Variants in SYNPR observed in about 807,000 individuals in gnomAD.
SYNPR encodes the protein synaptoporin.
In SYNPR, 23 loss-of-function variants were observed where a neutral mutation model predicts 32.9. That is an observed-to-expected ratio of 0.70 (90% confidence interval 0.50 to 0.99). The LOEUF is 0.99. SYNPR is among the 50% of genes least tolerant of loss of function. SYNPR has a pLI of 0.00. For synonymous variants in SYNPR, 146 were observed against 135.9 expected (o/e 1.07, Z -0.52); for missense variants, 318 against 349.3 (o/e 0.91, Z 0.71).
At chr3:63,244,453 T>G (rs992895625) in intron 1 of SYNPR, among the ~76,000 whole-genome samples, 26 of 152,060 alleles carry the variant, frequency 1.7e-4, no homozygotes, top group Non-Finnish European at 2.5e-4. Context: ...ATCTGTGAAT[T>G]GAGTAGAGAT....
At chr3:63,533,141 G>C (rs1702139608) in intron 3 of SYNPR, among the ~76,000 whole-genome samples, 1 of 152,132 alleles carries the variant, frequency 6.6e-6, no homozygotes, top group Non-Finnish European at 1.5e-5. Flanking sequence ...ACAAGACTCT[G>C]TCCTAGTGGT....
chr3:63,463,897 T>C (rs1700633270), intron 2 of SYNPR, among the ~76,000 whole-genome samples: 1 of 152,288 alleles, frequency 6.6e-6, no homozygotes, highest in East Asian at 1.9e-4. Context: ...TATTTATCTA[T>C]TTTTTTGTAA....
chr3:63,403,105 A>G (rs2107104240), intron 2 of SYNPR, among the ~76,000 whole-genome samples: 1 of 152,316 alleles, frequency 6.6e-6, no homozygotes, highest in South Asian at 2.1e-4. Flanking sequence ...ATAATTATAT[A>G]TCCACATTCT....
intron 2 of SYNPR, among the ~76,000 whole-genome samples, chr3:63,304,416 A>G (rs932855158): frequency 6.6e-6 from 1 of 151,476 alleles, no homozygotes; most frequent in Non-Finnish European, 1.5e-5. Context: ...ATTTTTATGT[A>G]TTTTTCCTCT....
At chr3:63,200,968 A>C in the SYNPR span, among the ~76,000 whole-genome samples, 1 of 152,192 alleles carries the variant, frequency 6.6e-6, no homozygotes, top group Non-Finnish European at 1.5e-5. Flanking sequence ...AGGTAAATCT[A>C]GATGTACCCA....
At chr3:63,314,827 A>G (rs974699586) in intron 2 of SYNPR, among the ~76,000 whole-genome samples, 5 of 151,972 alleles carry the variant, frequency 3.3e-5, no homozygotes, top group Non-Finnish European at 5.9e-5. Context: ...GGTTTTTCCA[A>G]TCTTATCCTC....
intron 2 of SYNPR, among the ~76,000 whole-genome samples, chr3:63,469,153 A>T (rs2106671729): frequency 6.6e-6 from 1 of 152,296 alleles, no homozygotes; most frequent in East Asian, 1.9e-4. Context: ...TTTCCTATTC[A>T]GAGAACGCTG....
chr3:63,308,055 G>A (rs1221165677), intron 2 of SYNPR, among the ~76,000 whole-genome samples: 1 of 152,034 alleles, frequency 6.6e-6, no homozygotes, highest in Non-Finnish European at 1.5e-5. Flanking sequence ...GGAATAGGAA[G>A]AAGAGGGTCT....
At chr3:63,463,506 C>T (rs1245701570) in intron 2 of SYNPR, among the ~76,000 whole-genome samples, 1 of 152,144 alleles carries the variant, frequency 6.6e-6, no homozygotes, top group Non-Finnish European at 1.5e-5. Context: ...TCAAAGGAGG[C>T]ATCCATAGTC....
chr3:63,426,322 A>G (rs1271662543), intron 2 of SYNPR, among the ~76,000 whole-genome samples: 1 of 152,154 alleles, frequency 6.6e-6, no homozygotes, highest in Non-Finnish European at 1.5e-5. Flanking sequence ...AAGGCTCTGC[A>G]GACATTTGAC....
intron 3 of SYNPR, among the ~76,000 whole-genome samples, chr3:63,505,068 A>G (rs1025090959): frequency 6.6e-6 from 1 of 152,168 alleles, no homozygotes; most frequent in Non-Finnish European, 1.5e-5. Context: ...TGTATGGAGC[A>G]TACTGTCAGT....
intron 2 of SYNPR, among the ~76,000 whole-genome samples, chr3:63,394,671 T>C (rs2088189229): frequency 6.6e-6 from 1 of 152,204 alleles, no homozygotes; most frequent in African/African-American, 2.4e-5. Flanking sequence ...GTAAGTATGC[T>C]AACTTGCTGT....
chr3:63,325,725 C>G (rs1488518242), intron 2 of SYNPR, among the ~76,000 whole-genome samples: 2 of 152,036 alleles, frequency 1.3e-5, no homozygotes, highest in African/African-American at 4.8e-5. Flanking sequence ...AAAGTAATGT[C>G]TGTCCTCCCA....
chr3:63,209,799 C>T, the SYNPR span, among the ~76,000 whole-genome samples: 1 of 152,126 alleles, frequency 6.6e-6, no homozygotes, highest in Non-Finnish European at 1.5e-5. Flanking sequence ...TATTGGCATT[C>T]ATCACAATTT....
At chr3:63,319,374 T>C (rs1282923877) in intron 2 of SYNPR, among the ~76,000 whole-genome samples, 1 of 152,050 alleles carries the variant, frequency 6.6e-6, no homozygotes, top group East Asian at 1.9e-4. Flanking sequence ...TCTAGCTTTG[T>C]TTTTTTGCTT....
chr3:63,304,680 A>AT (rs932809037), intron 2 of SYNPR, among the ~76,000 whole-genome samples: 1 of 151,808 alleles, frequency 6.6e-6, no homozygotes, highest in South Asian at 2.1e-4. Flanking sequence ...GTACCATAAT[A>AT]TTTTTTTTAA....
intron 2 of SYNPR, among the ~76,000 whole-genome samples, chr3:63,363,824 A>G (rs914987818): frequency 7.9e-5 from 12 of 152,190 alleles, no homozygotes; most frequent in African/African-American, 2.4e-4. Context: ...TGAAAGTGCT[A>G]TAAGACTCAT....
At chr3:63,595,749 A>T (rs1280642814) in intron 4 of SYNPR, among the ~76,000 whole-genome samples, 13 of 44,398 alleles carry the variant, frequency 2.9e-4, no homozygotes, top group African/African-American at 1.2e-3. Flanking sequence ...ATATATATAT[A>T]TATATATATA....
At chr3:63,406,688 T>C (rs958899589) in intron 2 of SYNPR, among the ~76,000 whole-genome samples, 26 of 152,108 alleles carry the variant, frequency 1.7e-4, no homozygotes, top group African/African-American at 6.3e-4. Context: ...GAAAGCTTTA[T>C]TGGATGTAGA....
Sources: gnomAD v4.1 joint callset for allele counts (sites outside exome capture counted in the v4.1 genomes callset) on GRCh38, gnomAD v4.1.1 for gene constraint, MANE v1.5 for transcripts, NCBI Gene and HGNC (gene_info 2026-07-23, HGNC 2026-07-21) for gene names.